Variants in LINGO2 observed in about 807,000 individuals in gnomAD.
The protein encoded by LINGO2 is leucine rich repeat and Ig domain containing 2.
Under a neutral mutation model 30.6 loss-of-function variants are expected in LINGO2, and 14 were observed. The observed-to-expected ratio is 0.46, with a 90% CI of 0.30 to 0.72. The LOEUF (loss-of-function observed/expected upper bound fraction) is 0.72, where lower values mean the gene tolerates loss of function less well. Among genes scored for constraint, LINGO2 ranks in the 30% least tolerant of loss-of-function variants. The pLI is 0.07. For synonymous variants in LINGO2, 317 were observed against 288.5 expected (o/e 1.10, Z -1.00); for missense variants, 729 against 751.7 (o/e 0.97, Z 0.35).
At chr9:28,584,398 A>G (rs1319328640) in intron 1 of LINGO2, among the ~76,000 whole-genome samples, 1 of 152,004 alleles carries the variant, frequency 6.6e-6, no homozygotes, top group Non-Finnish European at 1.5e-5. Flanking sequence ...ATGCCCCCCA[A>G]ATTCCTATTA....
the LINGO2 span, among the ~76,000 whole-genome samples, chr9:28,986,983 T>G: frequency 6.6e-6 from 1 of 152,028 alleles, no homozygotes; most frequent in South Asian, 2.1e-4. Context: ...CTTTTTTAGA[T>G]AGTTCACTGT....
At chr9:28,711,432 T>C in the LINGO2 span, among the ~76,000 whole-genome samples, 1 of 152,138 alleles carries the variant, frequency 6.6e-6, no homozygotes, top group Non-Finnish European at 1.5e-5. Context: ...GCCCAGAGGC[T>C]AGCACATGGC....
chr9:29,015,202 T>C, the LINGO2 span, among the ~76,000 whole-genome samples: 625 of 152,300 alleles, frequency 4.1e-3, 5 homozygotes, highest in Non-Finnish European at 4.5e-3. Context: ...GGGTACAATG[T>C]ATGCTACTTG....
intron 1 of LINGO2, among the ~76,000 whole-genome samples, chr9:28,596,457 T>A (rs1825180797): frequency 6.6e-6 from 1 of 152,164 alleles, no homozygotes; most frequent in Non-Finnish European, 1.5e-5. Context: ...TATATTGACT[T>A]TTTTCTCTAG....
At chr9:28,553,400 A>G (rs965505089) in intron 1 of LINGO2, among the ~76,000 whole-genome samples, 5 of 152,070 alleles carry the variant, frequency 3.3e-5, no homozygotes, top group East Asian at 1.9e-4. Flanking sequence ...GGGTATCAGC[A>G]ATGGAAGATG....
At chr9:28,759,453 C>A in the LINGO2 span, among the ~76,000 whole-genome samples, 5 of 151,976 alleles carry the variant, frequency 3.3e-5, no homozygotes, top group African/African-American at 7.2e-5. Context: ...GAGGACGAGG[C>A]GGGTGGATCA....
At chr9:28,587,095 A>G (rs1824586045) in intron 1 of LINGO2, among the ~76,000 whole-genome samples, 1 of 151,992 alleles carries the variant, frequency 6.6e-6, no homozygotes, top group Non-Finnish European at 1.5e-5. Flanking sequence ...AAGGAGCTTC[A>G]TATTTTGCAC....
exon 6 of LINGO2, chr9:27,948,895 C>A: frequency 6.2e-7 from 1 of 1,613,702 alleles, no homozygotes; most frequent in Non-Finnish European, 8.5e-7. Flanking sequence ...GCTACCTCCC[C>A]TTCCACAACA....
chr9:28,014,352 A>C lies in LINGO2; in HGVS notation c.-86-1947T>G, dbSNP rs77690935. Among the ~76,000 whole-genome samples the C allele has an allele frequency of 9.2e-5, 14 of 152,306 alleles. No individual in the cohort carries two copies. The East Asian group carries it at 2.3e-3, about 25-fold the overall frequency. ...ACAAGTGCTACTCATTGTTCTGATA[A>C]TTCACTGATCCATTAGGCCCCTCCA... On this transcript the variant is annotated intron_variant, in intron 4 of 5. Transcript: ENST00000379992.
intron 5 of LINGO2, among the ~76,000 whole-genome samples, chr9:27,964,374 G>T (rs1421110371): frequency 6.6e-6 from 1 of 152,016 alleles, no homozygotes; most frequent in Non-Finnish European, 1.5e-5. Context: ...CCAATTCTGG[G>T]GGTAACTGAA....
chr9:28,719,536 C>T, the LINGO2 span, among the ~76,000 whole-genome samples: 1 of 152,024 alleles, frequency 6.6e-6, no homozygotes, highest in African/African-American at 2.4e-5. Flanking sequence ...AGGCATTTGG[C>T]CAGTCCCTCT....
intron 1 of LINGO2, among the ~76,000 whole-genome samples, chr9:28,536,162 A>G (rs2135444512): frequency 6.6e-6 from 1 of 152,270 alleles, no homozygotes; most frequent in East Asian, 1.9e-4. Context: ...GAAGATACAC[A>G]TTGCCAATAA....
chr9:29,077,802 C>A, the LINGO2 span, among the ~76,000 whole-genome samples: 2 of 151,690 alleles, frequency 1.3e-5, no homozygotes, highest in Non-Finnish European at 2.9e-5. Context: ...CAACCAATCA[C>A]AGGCACACAG....
chr9:28,377,730 A>G (rs2134609615), intron 2 of LINGO2, among the ~76,000 whole-genome samples: 1 of 152,298 alleles, frequency 6.6e-6, no homozygotes, highest in East Asian at 1.9e-4. Flanking sequence ...TAATAATGCC[A>G]TTTTTCTAGG....
chr9:28,860,404 C>A, the LINGO2 span, among the ~76,000 whole-genome samples: 4 of 152,048 alleles, frequency 2.6e-5, no homozygotes, highest in Admixed American at 1.3e-4. Flanking sequence ...ACTGACCTTC[C>A]CCATGCTTGA....
intron 4 of LINGO2, among the ~76,000 whole-genome samples, chr9:28,034,796 T>A (rs1823853058): frequency 6.6e-6 from 1 of 152,262 alleles, no homozygotes; most frequent in African/African-American, 2.4e-5. Context: ...AACTTACTTC[T>A]TAAATTGCTT....
At chr9:29,122,892 A>G in the LINGO2 span, among the ~76,000 whole-genome samples, 2 of 152,124 alleles carry the variant, frequency 1.3e-5, no homozygotes, top group Non-Finnish European at 2.9e-5. Context: ...GACATAAATG[A>G]CCTATTCAGT....
At chr9:27,964,202 A>G (rs766068603) in intron 5 of LINGO2, among the ~76,000 whole-genome samples, 2 of 152,110 alleles carry the variant, frequency 1.3e-5, no homozygotes, top group African/African-American at 2.4e-5. Context: ...AAACAGCCAA[A>G]ATGAAAGCCA....
At chr9:29,021,023 T>TC in the LINGO2 span, among the ~76,000 whole-genome samples, 1 of 152,162 alleles carries the variant, frequency 6.6e-6, no homozygotes, top group African/African-American at 2.4e-5. Flanking sequence ...GTAATCTTTC[T>TC]TAGAGAAAGA....
Sources: allele counts gnomAD v4.1 joint callset (sites outside exome capture counted in the v4.1 genomes callset), GRCh38; gene constraint gnomAD v4.1.1; transcripts MANE v1.5; gene names NCBI Gene and HGNC (gene_info 2026-07-23, HGNC 2026-07-21).